The following NEO1 variants were observed in gnomAD, a reference collection of about 807,000 sequenced individuals.
The protein encoded by NEO1 is neogenin.
Under a neutral mutation model 159.7 loss-of-function variants are expected in NEO1, and 63 were observed. The ratio of observed to expected loss-of-function variants is 0.39; its 90% CI spans 0.32 to 0.49. The LOEUF (loss-of-function observed/expected upper bound fraction) is 0.49, where lower values mean the gene tolerates loss of function less well. Among genes scored for constraint, NEO1 ranks in the 20% least tolerant of loss-of-function variants. NEO1 has a pLI of 0.85. For synonymous variants in NEO1, 633 were observed against 662.0 expected, an observed-to-expected ratio of 0.96 and a Z score of 0.67; for missense variants, 1,615 against 1,831.0, an observed-to-expected ratio of 0.88 and a Z score of 2.15.
At chr15:73,222,358 C>T (rs2150765970) in intron 7 of NEO1, among the ~76,000 whole-genome samples, 1 of 152,054 alleles carries the variant, frequency 6.6e-6, no homozygotes, top group South Asian at 2.1e-4. Context: ...CCCGCCTCAG[C>T]CTCCCAAAGT....
chr15:73,288,175 G>A (rs1482174151), intron 23 of NEO1, 138 bp from the exon 24 acceptor site: 6 of 688,720 alleles, frequency 8.7e-6, no homozygotes, highest in Admixed American at 2.3e-5. Flanking sequence ...TTGTTGTTGG[G>A]GGCAGGAGGT....
intron 7 of NEO1, among the ~76,000 whole-genome samples, chr15:73,196,611 A>G (rs2036545165): frequency 2.0e-5 from 3 of 152,230 alleles, no homozygotes; most frequent in Admixed American, 6.5e-5. Context: ...TCTCCTAGCT[A>G]TTCATCAACC....
intron 7 of NEO1, among the ~76,000 whole-genome samples, chr15:73,228,110 ATC>A: frequency 6.6e-6 from 1 of 152,354 alleles, no homozygotes; most frequent in Non-Finnish European, 1.5e-5. Flanking sequence ...TGAGCTTAAA[ATC>A]TGTCTGAAGT....
chr15:73,254,417 C>T (rs767916740), intron 12 of NEO1, among the ~76,000 whole-genome samples: 5 of 152,136 alleles, frequency 3.3e-5, no homozygotes, highest in Admixed American at 6.5e-5. Context: ...AGACTTTTAT[C>T]CAACATCATC....
At chr15:73,209,087 T>C (rs930298244) in intron 7 of NEO1, among the ~76,000 whole-genome samples, 1 of 152,236 alleles carries the variant, frequency 6.6e-6, no homozygotes, top group Non-Finnish European at 1.5e-5. Context: ...TCCTCTGCTT[T>C]AGTTTTCTTT....
chr15:73,210,230 C>T (rs1372185342), intron 7 of NEO1, among the ~76,000 whole-genome samples: 1 of 152,184 alleles, frequency 6.6e-6, no homozygotes, highest in African/African-American at 2.4e-5. Flanking sequence ...TGCCCACTTA[C>T]CAAGAGGACA....
chr15:73,080,350 TTGTTTTTTCCTCAACA>T (rs905964261), intron 1 of NEO1, among the ~76,000 whole-genome samples: 3 of 152,212 alleles, frequency 2.0e-5, no homozygotes, highest in African/African-American at 7.2e-5. Context: ...GTTTATAGGC[TTGTTTTTTCCTCAACA>T]TGTCTTCATG....
intron 5 of NEO1, among the ~76,000 whole-genome samples, chr15:73,164,731 A>G (rs2034453821): frequency 2.0e-5 from 3 of 152,214 alleles, no homozygotes; most frequent in African/African-American, 4.8e-5. Flanking sequence ...ACAAGGATGC[A>G]TATTATAGCA....
chr15:73,064,720 GC>G (rs1175851367), intron 1 of NEO1, among the ~76,000 whole-genome samples: 1 of 152,010 alleles, frequency 6.6e-6, no homozygotes, highest in Non-Finnish European at 1.5e-5. Context: ...TCCTGCCTTG[GC>G]CCCCCAAAGT....
chr15:73,273,924 C>G lies in NEO1; in HGVS notation c.3079C>G (p.Pro1027Ala). Residue 1027 changes from proline (P) to alanine (A), a missense_variant, in exon 20 of 29, where the codon CCA becomes GCA. Around this residue, in one of 3 missense-constraint regions of NEO1, gnomAD observed 126 missense variants for 216.7 expected, o/e 0.58. Coordinates refer to ENST00000261908, the MANE Select transcript of NEO1 (RefSeq NM_002499.4). ...HQIQELTLDTPYYFKIQARNS... is the reference protein window; with the variant it reads ...HQIQELTLDTAYYFKIQARNS... ...GATACAAGAGTTAACTCTTGACACA[C>G]CATACTACTTCAAAATCCAGGCACG... is the stretch of plus-strand genomic sequence containing the variant. 6.2e-7 allele frequency: 1 copy of G among 1,614,084 alleles called. No homozygotes were observed. Among genetic ancestry groups the G allele is most frequent in the Non-Finnish European group, 8.5e-7 (1 of 1,180,014 alleles).
At chr15:73,147,959 A>G (rs1052276950) in intron 5 of NEO1, among the ~76,000 whole-genome samples, 2 of 151,518 alleles carry the variant, frequency 1.3e-5, no homozygotes, top group Non-Finnish European at 2.9e-5. Context: ...GATTACAGGC[A>G]CCCGCCATCA....
rs770346313 is a variant in NEO1 at position 73,273,899 on chromosome 15, G to A, written c.3054G>A (p.Gln1018=). Residue 1018 remains glutamine, a synonymous_variant, in exon 20 of 29, where the codon CAG becomes CAA. Coordinates refer to ENST00000261908, the MANE Select transcript of NEO1 (RefSeq NM_002499.4). Reference sequence around the variant, plus strand: ...TTGTGGGAAACAGACTGACTCACCAGATACAAGAGTTAACTCTTGACACAC... The same window carrying A: ...TTGTGGGAAACAGACTGACTCACCAAATACAAGAGTTAACTCTTGACACAC... ...EPVVGNRLTH[Q]IQELTLDTPY... 6.2e-7 allele frequency: 1 copy of A among 1,614,126 alleles called. No individual in the cohort carries two copies.
At chr15:73,156,772 C>T (rs535479757) in intron 5 of NEO1, among the ~76,000 whole-genome samples, 69 of 152,276 alleles carry the variant, frequency 4.5e-4, no homozygotes, top group African/African-American at 1.6e-3. Context: ...CCTGGATCCC[C>T]CTAACCTCCA....
chr15:73,290,399 C>T (rs1048397506), intron 25 of NEO1, among the ~76,000 whole-genome samples: 4 of 151,796 alleles, frequency 2.6e-5, no homozygotes, highest in Middle Eastern at 3.4e-3. Context: ...CGCCACCACA[C>T]CTGGCTAGTT....
chr15:73,279,350 G>GTTT lies in NEO1; in HGVS notation c.3262+1151_3262+1152insTTT, dbSNP rs1567679061. 1.9e-3 allele frequency among the ~76,000 whole-genome samples: 112 copies of GTTT among 58,168 alleles called. 2 individuals carry two copies. Among genetic ancestry groups the GTTT allele is most frequent in the African/African-American group, 3.7e-3 (101 of 27,586 alleles). The allele number at this position is 58,168 out of a possible 152,430, so 38.2% of individuals were successfully genotyped here. On this transcript the variant is annotated intron_variant, in intron 22 of 28. Transcript: ENST00000261908. ...CATGTTTTTTTGTTGTTTTGGTTTTGGTTTTTTTTTTTTTTTGAGATGGAA... is the reference window on the plus strand; with the variant it reads ...CATGTTTTTTTGTTGTTTTGGTTTTGTTTGTTTTTTTTTTTTTTTGAGATGGAA...
chr15:73,191,741 A>G (rs1222362333), intron 7 of NEO1, among the ~76,000 whole-genome samples: 1 of 152,082 alleles, frequency 6.6e-6, no homozygotes, highest in Non-Finnish European at 1.5e-5. Flanking sequence ...ATCTGTAATG[A>G]TCTGGTTAAA....
chr15:73,077,153 C>G (rs1345354114), intron 1 of NEO1, among the ~76,000 whole-genome samples: 1 of 152,156 alleles, frequency 6.6e-6, no homozygotes, highest in Non-Finnish European at 1.5e-5. Flanking sequence ...TAGTGATTCT[C>G]CTGCCTCAGC....
At chr15:73,237,214 T>C (rs2039228715) in intron 8 of NEO1, among the ~76,000 whole-genome samples, 1 of 152,236 alleles carries the variant, frequency 6.6e-6, no homozygotes, top group Non-Finnish European at 1.5e-5. Context: ...TTAAGCCCCA[T>C]GAAGCTCTCA....
chr15:73,122,959 C>G (rs2151658722), intron 3 of NEO1, among the ~76,000 whole-genome samples, 159 bp downstream of exon 3: 2 of 152,192 alleles, frequency 1.3e-5, no homozygotes, highest in Middle Eastern at 6.8e-3. Context: ...CACCTGAGTT[C>G]CAGCCTGGCC....
Sources: gnomAD v4.1 joint callset for allele counts (sites outside exome capture counted in the v4.1 genomes callset) on GRCh38, gnomAD v4.1.1 for gene constraint, gnomAD v4.1.1 regional missense constraint, MANE v1.5 for transcripts, NCBI Gene and HGNC (gene_info 2026-07-23, HGNC 2026-07-21) for gene names.